The following STK39 variants were observed in gnomAD, a reference collection of about 807,000 sequenced individuals.
STK39 encodes serine/threonine kinase 39.
A neutral mutation model predicts 77.8 loss-of-function variants in STK39; 20 were observed. The observed-to-expected ratio is 0.26, with a 90% CI of 0.18 to 0.37. The LOEUF is 0.37. Among genes scored for constraint, STK39 ranks in the 10% least tolerant of loss-of-function variants. The probability of loss-of-function intolerance (pLI) is 1.00; values close to 1 mark genes in which losing one functional copy is unlikely to be tolerated. For synonymous variants in STK39, 246 were observed against 234.1 expected (o/e 1.05, Z -0.47); for missense variants, 479 against 656.5 (o/e 0.73, Z 2.95).
intron 10 of STK39, among the ~76,000 whole-genome samples, chr2:168,075,678 G>T (rs1686061033): frequency 6.6e-6 from 1 of 151,400 alleles, no homozygotes; most frequent in African/African-American, 2.4e-5. Context: ...CTAGACCATG[G>T]GTATTGGCAA....
chr2:168,195,527 G>A (rs982963036), intron 1 of STK39, among the ~76,000 whole-genome samples: 2 of 152,194 alleles, frequency 1.3e-5, no homozygotes, highest in African/African-American at 4.8e-5. Flanking sequence ...ACTCTAAGCT[G>A]TAGCCTACTA....
At chr2:168,239,311 T>C (rs182597121) in intron 1 of STK39, among the ~76,000 whole-genome samples, 25 of 152,278 alleles carry the variant, frequency 1.6e-4, no homozygotes, top group Non-Finnish European at 2.8e-4. Context: ...AAGGGCAGTG[T>C]GGGACTTCCC....
intron 17 of STK39, among the ~76,000 whole-genome samples, chr2:167,959,363 G>C (rs1691876200): frequency 6.6e-6 from 1 of 151,628 alleles, no homozygotes; most frequent in Admixed American, 6.6e-5. Flanking sequence ...CTGACCTCGT[G>C]ATCCACATGC....
rs1181751902 is a variant in STK39 at position 168,247,070 on chromosome 2, A to T, written c.208+158T>A. Among the ~76,000 whole-genome samples the T allele has an allele frequency of 2.4e-3, 317 of 134,662 alleles. 4 individuals are homozygous for T. The highest frequency in any genetic ancestry group is 7.8e-3 in the African/African-American group (288 of 36,850). The allele number at this position is 134,662 out of a possible 152,430, so 88.3% of individuals were successfully genotyped here. A position where few individuals can be genotyped will look rare whatever the true frequency, so the allele number is the denominator to read the frequency against. On this transcript the variant is annotated intron_variant, in intron 1 of 17. Transcript: ENST00000355999. ...CAAATACATTAAAAATTAAAAAAAA[A>T]AAAAAAAAAAAAAAAAAAACTGTTG...
At chr2:168,167,265 A>G (rs1688714575) in intron 3 of STK39, 34 bp downstream of exon 3, 1 of 1,563,618 alleles carries the variant, frequency 6.4e-7, no homozygotes, top group South Asian at 1.1e-5. Context: ...GAGAGAAAAC[A>G]AGCAAATAAA....
intron 14 of STK39, among the ~76,000 whole-genome samples, chr2:168,046,227 G>T (rs1015118799): frequency 1.3e-5 from 2 of 152,144 alleles, no homozygotes; most frequent in African/African-American, 4.8e-5. Context: ...TTAGCCGGGC[G>T]TGGTGGTGCA....
At chr2:167,990,046 A>C (rs987626952) in intron 16 of STK39, among the ~76,000 whole-genome samples, 4 of 152,336 alleles carry the variant, frequency 2.6e-5, no homozygotes, top group East Asian at 1.9e-4. Context: ...GGTTATTAGA[A>C]ACTAAACTGT....
intron 1 of STK39, among the ~76,000 whole-genome samples, chr2:168,234,526 C>T (rs1234368126): frequency 1.3e-5 from 2 of 152,134 alleles, no homozygotes; most frequent in Admixed American, 6.5e-5. Context: ...AATGATCAGT[C>T]ATGGTGTATG....
At chr2:168,041,995 C>T (rs1204678147) in intron 14 of STK39, among the ~76,000 whole-genome samples, 1 of 152,142 alleles carries the variant, frequency 6.6e-6, no homozygotes, top group Non-Finnish European at 1.5e-5. Flanking sequence ...CAAAAGCTTG[C>T]CTCGCTATAT....
At chr2:168,204,986 C>T (rs1689704551) in intron 1 of STK39, among the ~76,000 whole-genome samples, 1 of 152,110 alleles carries the variant, frequency 6.6e-6, no homozygotes. Context: ...AAACATAATA[C>T]ACTGCATTGA....
At chr2:167,989,840 C>T (rs1683653050) in intron 16 of STK39, among the ~76,000 whole-genome samples, 1 of 151,966 alleles carries the variant, frequency 6.6e-6, no homozygotes, top group Non-Finnish European at 1.5e-5. Context: ...CCAGTAGAAG[C>T]ATAGCTAAGC....
intron 14 of STK39, among the ~76,000 whole-genome samples, chr2:168,055,657 C>CCATA (rs1321603650): frequency 6.6e-6 from 1 of 152,182 alleles, no homozygotes; most frequent in African/African-American, 2.4e-5. Flanking sequence ...TAAATGCCAT[C>CCATA]CATAGGGCTG....
At chr2:168,043,348 A>T (rs369668559) in intron 14 of STK39, among the ~76,000 whole-genome samples, 1 of 152,220 alleles carries the variant, frequency 6.6e-6, no homozygotes, top group South Asian at 2.1e-4. Context: ...AGAGGCAAGT[A>T]ATCTGGAGGC....
intron 5 of STK39, among the ~76,000 whole-genome samples, chr2:168,151,043 C>A (rs796256890): frequency 1.3e-5 from 2 of 152,122 alleles, no homozygotes; most frequent in Middle Eastern, 3.2e-3. Flanking sequence ...TGGGCCCCAA[C>A]CATGGCATGG....
At chr2:167,967,602 A>C (rs1559037363) in intron 16 of STK39, among the ~76,000 whole-genome samples, 1 of 152,162 alleles carries the variant, frequency 6.6e-6, no homozygotes, top group Non-Finnish European at 1.5e-5. Flanking sequence ...AGTAACAGCC[A>C]CACGGAAAAG....
chr2:168,247,300 C>A lies in STK39; in HGVS notation c.136G>T (p.Ala46Ser), dbSNP rs1001841887. 3 of 1,033,698 alleles carry A rather than the reference C, an allele frequency of 2.9e-6. No homozygotes were observed. In the East Asian group the frequency reaches 1.8e-4, roughly 62 times the overall value. The allele number at this position is 1,033,698 out of a possible 1,614,324, so 64.0% of individuals were successfully genotyped here. The change falls in exon 1 of 18, where the codon GCC becomes TCC. Residue 46 changes from alanine (A) to serine (S), a missense_variant. Physicochemically the swap from Ala to Ser is moderately conservative, Grantham distance 99 (BLOSUM62 1). Transcript: ENST00000355999. ...APAAPAAPAP[A>S]PAPAAQAVGW... is the part of the protein sequence containing the mutation. ...ACAGCCTGTGCCGCCGGGGCCGGGG[C>A]CGGGGCCGGGGCCGCGGGAGCTGCC...
At chr2:168,105,253 TC>T (rs1295696792) in intron 10 of STK39, among the ~76,000 whole-genome samples, 2 of 152,186 alleles carry the variant, frequency 1.3e-5, no homozygotes, top group Non-Finnish European at 2.9e-5. Context: ...CCATACTCAG[TC>T]TGATGAACTT....
chr2:168,034,669 T>C (rs974176780), intron 14 of STK39, among the ~76,000 whole-genome samples: 10 of 152,208 alleles, frequency 6.6e-5, no homozygotes, highest in African/African-American at 2.4e-4. Flanking sequence ...TGCTATTTAA[T>C]TGTGGCTCTC....
At chr2:168,127,466 A>C (rs988512960) in intron 10 of STK39, among the ~76,000 whole-genome samples, 11 of 152,128 alleles carry the variant, frequency 7.2e-5, no homozygotes, top group Admixed American at 3.9e-4. Flanking sequence ...TTTTTTCTTC[A>C]AAGAAATGAA....
Sources: allele counts gnomAD v4.1 joint callset (sites outside exome capture counted in the v4.1 genomes callset), GRCh38; gene constraint gnomAD v4.1.1; transcripts MANE v1.5; gene names NCBI Gene and HGNC (gene_info 2026-07-23, HGNC 2026-07-21).